ZFR: variants seen among roughly 807,000 people sequenced by gnomAD.
ZFR encodes zinc finger RNA binding protein, also known as zinc finger RNA-binding protein.
A neutral mutation model predicts 130.7 loss-of-function variants in ZFR; 19 were observed. The observed-to-expected ratio is 0.15, with a 90% CI of 0.10 to 0.21. The LOEUF is 0.21. Ranked by LOEUF, ZFR falls within the 10% of genes least tolerant of loss-of-function variation. The probability of loss-of-function intolerance (pLI) is 1.00; values close to 1 mark genes in which losing one functional copy is unlikely to be tolerated. For missense variants in ZFR, 872 were observed against 1,321.5 expected, an observed-to-expected ratio of 0.66 and a Z score of 5.27; for synonymous variants, 466 against 456.9, an observed-to-expected ratio of 1.02 and a Z score of -0.25.
In ZFR at chr5:32,370,310, GGAGAGAGA is replaced by G. The variant is rs769362722; in HGVS notation, c.2836-6043_2836-6036del. On this transcript the variant is annotated intron_variant, in intron 17 of 19. Transcript: ENST00000265069. ...TATAATAACATTGTGTGTTGTGGGG[GGAGAGAGA>G]GAGAGAGAGAGAGAGAGAGAGAGAG... 1.0e-4 allele frequency among the ~76,000 whole-genome samples: 7 copies of G among 69,856 alleles called. No homozygotes were observed. The East Asian group carries it at 1.7e-3, about 17-fold the overall frequency. 45.8% of individuals were successfully genotyped at this position (69,856 alleles called of 152,430 possible).
At chr5:32,434,689 T>C (rs1035695523) in intron 2 of ZFR, among the ~76,000 whole-genome samples, 8 of 152,176 alleles carry the variant, frequency 5.3e-5, no homozygotes, top group Non-Finnish European at 2.9e-5. Flanking sequence ...AACAGCAAAA[T>C]GTTTAAGATC....
In ZFR at chr5:32,355,979, A is replaced by G. The variant is rs1393513999; in HGVS notation, c.3046-40T>C. 4 of 1,525,720 alleles carry G rather than the reference A, an allele frequency of 2.6e-6. No homozygotes were observed. In the Middle Eastern group the frequency reaches 5.2e-4, roughly 199 times the overall value. 94.5% of individuals were successfully genotyped at this position (1,525,720 alleles called of 1,614,324 possible). ...GTCAGAATTTTGAGTTAATTGAAAA[A>G]CCCCAAGTAGTAATACTTACTACAT... On this transcript the variant is annotated intron_variant, in intron 19 of 19. Coordinates refer to ENST00000265069, the MANE Select transcript of ZFR (RefSeq NM_016107.5).
intron 8 of ZFR, among the ~76,000 whole-genome samples, chr5:32,402,157 A>G (rs1753462397): frequency 1.4e-5 from 2 of 143,022 alleles, no homozygotes; most frequent in African/African-American, 5.6e-5. Flanking sequence ...CCATTAATAG[A>G]GGCGGACAGT....
chr5:32,397,324 T>C lies in ZFR; in HGVS notation c.1728A>G (p.Glu576=). The C allele has an allele frequency of 6.2e-7, 1 of 1,612,932 alleles. No individual in the cohort carries two copies. The highest frequency in any genetic ancestry group is 1.3e-5 in the African/African-American group (1 of 75,038). Residue 576 remains glutamate (E), a synonymous_variant, in exon 10 of 20, where the codon GAA becomes GAG. Transcript: ENST00000265069. ...TACAATGGAACCGAATTACTTTTCC[T>C]TCATCATTTCGTACCTTGGTGTGGA... is the stretch of plus-strand genomic sequence containing the variant. ...HDYVEEVRND[E]GKVIRFHCKL...
intron 19 of ZFR, among the ~76,000 whole-genome samples, chr5:32,356,987 T>C (rs190037512): frequency 4.3e-4 from 65 of 152,254 alleles, no homozygotes; most frequent in Admixed American, 2.9e-3. Context: ...CAGTATCTAA[T>C]TGTTATTTAC....
intron 2 of ZFR, among the ~76,000 whole-genome samples, chr5:32,421,414 T>A (rs1397897751): frequency 6.6e-6 from 1 of 152,206 alleles, no homozygotes; most frequent in Non-Finnish European, 1.5e-5. Context: ...CATAGAAATA[T>A]AGTATAGAAT....
intron 9 of ZFR, among the ~76,000 whole-genome samples, chr5:32,398,047 G>C (rs990443216): frequency 2.5e-4 from 37 of 150,668 alleles, no homozygotes; most frequent in African/African-American, 8.3e-4. Flanking sequence ...AGTAGAGATG[G>C]GGGTTTCACC....
chr5:32,360,674 C>CT (rs1752413196), intron 19 of ZFR, among the ~76,000 whole-genome samples: 1 of 152,076 alleles, frequency 6.6e-6, no homozygotes, highest in Non-Finnish European at 1.5e-5. Context: ...TTTCAATTCT[C>CT]TTAAGTATAT....
intron 11 of ZFR, among the ~76,000 whole-genome samples, chr5:32,391,335 C>T (rs1168766868): frequency 1.3e-5 from 2 of 152,106 alleles, no homozygotes; most frequent in Non-Finnish European, 2.9e-5. Flanking sequence ...ACGTAACCCC[C>T]TTGGACAAGG....
At chr5:32,396,924 T>A (rs1365949447) in intron 10 of ZFR, among the ~76,000 whole-genome samples, 2 of 152,228 alleles carry the variant, frequency 1.3e-5, no homozygotes, top group Non-Finnish European at 2.9e-5. Context: ...GAGACTTTTT[T>A]CAAACATTTT....
At chr5:32,390,574 T>C in intron 11 of ZFR, 137 bp from the exon 12 acceptor site, 1 of 838,098 alleles carries the variant, frequency 1.2e-6, no homozygotes, top group Non-Finnish European at 1.7e-6. Flanking sequence ...ATGTATCTGA[T>C]TTTCCATGTT....
chr5:32,371,603 G>C (rs1279399264), intron 17 of ZFR, among the ~76,000 whole-genome samples: 2 of 152,008 alleles, frequency 1.3e-5, no homozygotes, highest in African/African-American at 4.8e-5. Context: ...CACATTATAA[G>C]CAGTTTCAGA....
intron 17 of ZFR, among the ~76,000 whole-genome samples, chr5:32,370,679 T>C (rs1332069223): frequency 1.3e-5 from 2 of 152,206 alleles, no homozygotes; most frequent in African/African-American, 4.8e-5. Context: ...GCTAGGTCTA[T>C]AATAAACATT....
At chr5:32,378,581 T>C (rs1045079622) in intron 17 of ZFR, among the ~76,000 whole-genome samples, 6 of 152,240 alleles carry the variant, frequency 3.9e-5, no homozygotes, top group Non-Finnish European at 8.8e-5. Flanking sequence ...ATATACTGTA[T>C]ATAGGTATAA....
intron 12 of ZFR, among the ~76,000 whole-genome samples, chr5:32,389,835 GA>G (rs1482850415): frequency 6.6e-6 from 1 of 152,154 alleles, no homozygotes; most frequent in African/African-American, 2.4e-5. Context: ...AAAAATGGAG[GA>G]AAGATTCTAA....
intron 16 of ZFR, chr5:32,379,795 T>C (rs571800429): frequency 1.1e-5 from 3 of 284,546 alleles, no homozygotes; most frequent in Non-Finnish European, 2.0e-5. Context: ...ACATGTGATG[T>C]TCCTAAACAA....
At chr5:32,356,524 TG>T (rs1407000865) in intron 19 of ZFR, among the ~76,000 whole-genome samples, 1 of 151,840 alleles carries the variant, frequency 6.6e-6, no homozygotes, top group Non-Finnish European at 1.5e-5. Context: ...GCCATTCTCC[TG>T]CCTCAGCCTC....
intron 17 of ZFR, among the ~76,000 whole-genome samples, chr5:32,375,324 T>C (rs564709934): frequency 1.4e-4 from 22 of 152,308 alleles, no homozygotes; most frequent in Non-Finnish European, 2.6e-4. Context: ...ATATCTCAAA[T>C]AAAAGGCTAT....
intron 2 of ZFR, among the ~76,000 whole-genome samples, chr5:32,422,148 G>C (rs189329653): frequency 1.5e-3 from 228 of 151,686 alleles, no homozygotes; most frequent in African/African-American, 5.3e-3. Flanking sequence ...TGTCCTATTA[G>C]ACAAAAAGCA....
Sources: allele counts gnomAD v4.1 joint callset (sites outside exome capture counted in the v4.1 genomes callset), GRCh38; gene constraint gnomAD v4.1.1; transcripts MANE v1.5; gene names NCBI Gene and HGNC (gene_info 2026-07-23, HGNC 2026-07-21).